The following PDE1C variants were observed in gnomAD, a reference collection of about 807,000 sequenced individuals.
The protein encoded by PDE1C is dual specificity calcium/calmodulin-dependent 3',5'-cyclic nucleotide phosphodiesterase 1C.
In PDE1C, 62 loss-of-function variants were observed where a neutral mutation model predicts 93.1. That is an observed-to-expected ratio of 0.67 (90% confidence interval 0.54 to 0.82). PDE1C has a LOEUF of 0.82. Ranked by LOEUF, PDE1C falls within the 40% of genes least tolerant of loss-of-function variation. PDE1C has a pLI of 0.00. For synonymous variants in PDE1C, 325 were observed against 310.1 expected (o/e 1.05, Z -0.50); for missense variants, 742 against 884.6 (o/e 0.84, Z 2.04).
rs1260058394 is a variant in PDE1C, at chr7:31,823,141, C to T, written c.1514G>A (p.Ser505Asn). 6.2e-7 allele frequency: 1 copy of T among 1,613,328 alleles called. No individual in the cohort carries two copies. Among genetic ancestry groups the T allele is most frequent in the Non-Finnish European group, 8.5e-7 (1 of 1,179,574 alleles). ...CACTTCCGTCCAAGTAGCTTTAAAG[C>T]TCTTATAGTCAACGGAGATGACAGA... ...NNSVISVDYKSFKATWTEVVH... is the reference protein window; with the variant it reads ...NNSVISVDYKNFKATWTEVVH... Residue 505 changes from serine (S) to asparagine (N), a missense_variant, in exon 14 of 18, where the codon AGC (serine) becomes AAC (asparagine). By Grantham distance (46) the Ser-to-Asn change is conservative. Transcript: ENST00000396191.
chr7:32,401,536 CA>C (rs58246141), intron 1 of PDE1C, among the ~76,000 whole-genome samples: 10,202 of 117,928 alleles, frequency 0.087, 445 homozygotes, highest in African/African-American at 0.15. Flanking sequence ...GACTCCATCT[CA>C]AAAAAAAAAA....
chr7:31,740,740 TA>T, the PDE1C span, among the ~76,000 whole-genome samples: 1 of 152,178 alleles, frequency 6.6e-6, no homozygotes, highest in Non-Finnish European at 1.5e-5. Flanking sequence ...ATTCATGTAC[TA>T]ATTGAGGAAA....
chr7:32,114,955 C>T (rs1403934812), intron 3 of PDE1C, among the ~76,000 whole-genome samples: 1 of 152,054 alleles, frequency 6.6e-6, no homozygotes, highest in Non-Finnish European at 1.5e-5. Context: ...ATTAAAAAGT[C>T]AAGAAACAAT....
chr7:31,810,386 T>C (rs1562841709), intron 15 of PDE1C, among the ~76,000 whole-genome samples: 2 of 152,130 alleles, frequency 1.3e-5, no homozygotes, highest in Admixed American at 6.6e-5. Flanking sequence ...GGACAGGATT[T>C]ACTCTTGTTT....
chr7:32,359,387 T>C (rs1350335484), intron 1 of PDE1C, among the ~76,000 whole-genome samples: 2 of 139,380 alleles, frequency 1.4e-5, no homozygotes, highest in Non-Finnish European at 3.2e-5. Context: ...TATGTATGTG[T>C]ATATTATATG....
the PDE1C span, among the ~76,000 whole-genome samples, chr7:31,743,551 G>A: frequency 1.3e-5 from 2 of 150,430 alleles, no homozygotes; most frequent in East Asian, 2.0e-4. Context: ...TTCGCTGGAG[G>A]ATGCAGTGTG....
intron 3 of PDE1C, among the ~76,000 whole-genome samples, chr7:32,110,791 C>G (rs1340817676): frequency 6.6e-6 from 1 of 152,196 alleles, no homozygotes; most frequent in Non-Finnish European, 1.5e-5. Flanking sequence ...GCTCTGAGCA[C>G]AACTACACAT....
At chr7:32,214,076 G>GTA (rs775189902) in intron 1 of PDE1C, among the ~76,000 whole-genome samples, 1 of 151,910 alleles carries the variant, frequency 6.6e-6, no homozygotes, top group Non-Finnish European at 1.5e-5. Flanking sequence ...GGATATGTTT[G>GTA]TATATATATG....
intron 9 of PDE1C, among the ~76,000 whole-genome samples, chr7:31,847,129 G>A (rs909022982): frequency 1.3e-5 from 2 of 152,068 alleles, no homozygotes; most frequent in African/African-American, 2.4e-5. Flanking sequence ...TTATAGCTAC[G>A]ATGATTTATT....
At chr7:32,085,096 A>G (rs1253542161) in intron 3 of PDE1C, among the ~76,000 whole-genome samples, 1 of 148,502 alleles carries the variant, frequency 6.7e-6, no homozygotes, top group East Asian at 2.0e-4. Flanking sequence ...CAAAATTGAT[A>G]GACCGCTAGC....
intron 2 of PDE1C, among the ~76,000 whole-genome samples, chr7:31,947,453 A>G (rs988659270): frequency 1.0e-4 from 15 of 149,694 alleles, no homozygotes; most frequent in African/African-American, 3.6e-4. Flanking sequence ...ATTTATCTCT[A>G]TAAAATTAAT....
intron 2 of PDE1C, among the ~76,000 whole-genome samples, chr7:31,906,650 G>A (rs2128929518): frequency 6.6e-6 from 1 of 152,246 alleles, no homozygotes; most frequent in East Asian, 1.9e-4. Flanking sequence ...AGAGGGAAAG[G>A]CATTCACTCA....
intron 3 of PDE1C, among the ~76,000 whole-genome samples, chr7:32,130,528 T>C (rs150017504): frequency 1.3e-5 from 2 of 152,246 alleles, no homozygotes; most frequent in African/African-American, 4.8e-5. Flanking sequence ...TCATTATTTG[T>C]ATGTGTAATT....
chr7:32,387,823 C>A (rs1431222698), intron 1 of PDE1C, among the ~76,000 whole-genome samples: 2 of 138,844 alleles, frequency 1.4e-5, no homozygotes, highest in Non-Finnish European at 3.1e-5. Flanking sequence ...CCCACCACCT[C>A]CCTCCAGGAC....
At chr7:32,037,650 C>A (rs971542919) in intron 2 of PDE1C, among the ~76,000 whole-genome samples, 4 of 152,158 alleles carry the variant, frequency 2.6e-5, no homozygotes, top group Non-Finnish European at 5.9e-5. Context: ...TATCCAAGAA[C>A]TTAATATTGA....
At position 32,204,106 on chromosome 7, in the gene PDE1C, A is replaced by G. The variant is rs566781037; in HGVS notation, c.136+5383T>C. 2.1e-4 allele frequency among the ~76,000 whole-genome samples: 32 copies of G among 152,290 alleles called. 1 individual carries two copies. Among genetic ancestry groups the G allele is most frequent in the South Asian group, 1.2e-3 (6 of 4,824 alleles). Reference sequence around the variant, plus strand: ...GGGTGATTTGAACACAAGCACTGCAATCTGATAAACGAGAGGGCCCCTAAG... The same window carrying G: ...GGGTGATTTGAACACAAGCACTGCAGTCTGATAAACGAGAGGGCCCCTAAG... On this transcript the variant is annotated intron_variant, in intron 2 of 18. Transcript: ENST00000396193.
intron 3 of PDE1C, among the ~76,000 whole-genome samples, chr7:32,125,159 C>G (rs908774463): frequency 2.0e-5 from 3 of 152,074 alleles, no homozygotes; most frequent in Non-Finnish European, 4.4e-5. Context: ...AAATCAAAAC[C>G]ATAACGAGAT....
the PDE1C span, among the ~76,000 whole-genome samples, chr7:31,720,883 A>G: frequency 2.6e-5 from 4 of 152,224 alleles, no homozygotes; most frequent in African/African-American, 9.6e-5. Context: ...ACGAAGAATC[A>G]GTGCCTTGTT....
rs1255070300 is a variant in PDE1C, at chr7:31,837,182, G to A, written c.1201C>T (p.Gln401Ter). 1 of 1,612,840 alleles carries A rather than the reference G, an allele frequency of 6.2e-7. No individual in the cohort carries two copies. Among genetic ancestry groups the A allele is most frequent in the East Asian group, 2.2e-5 (1 of 44,798 alleles). Residue 401 changes from glutamine to a stop codon, truncating the protein, a stop_gained and splice_region_variant, in exon 11 of 18, where the codon CAG (glutamine) becomes TAG (stop). Transcript: ENST00000396191. LOFTEE classifies it high-confidence loss of function. ...ATGGAGAGAGAGCAACAAGGTACCT[G>A]TCTGAAGAACTCCTCCAGGAGTGAC... ...TMSLLEEFFR[Q>*]GDREAELGLP...
Sources: allele counts gnomAD v4.1 joint callset (sites outside exome capture counted in the v4.1 genomes callset), GRCh38; gene constraint gnomAD v4.1.1; transcripts MANE v1.5; gene names NCBI Gene and HGNC (gene_info 2026-07-23, HGNC 2026-07-21).